The following NDUFAF2 variants were observed in gnomAD, a reference collection of about 807,000 sequenced individuals.
NDUFAF2 encodes NADH dehydrogenase [ubiquinone] 1 alpha subcomplex assembly factor 2.
NDUFAF2 carries 13 observed loss-of-function variants against 22.8 expected under a neutral mutation model. The ratio of observed to expected loss-of-function variants is 0.57; its 90% CI spans 0.37 to 0.91. The LOEUF is 0.91. Among genes scored for constraint, NDUFAF2 ranks in the 40% least tolerant of loss-of-function variants. The pLI, the probability that NDUFAF2 is intolerant of heterozygous loss-of-function variation, is 0.01. For missense variants in NDUFAF2, 162 were observed against 195.2 expected (o/e 0.83, Z 1.01); for synonymous variants, 53 against 64.2 (o/e 0.83, Z 0.84).
chr5:61,014,037 G>T (rs1486925145), intron 1 of NDUFAF2, among the ~76,000 whole-genome samples: 1 of 152,158 alleles, frequency 6.6e-6, no homozygotes, highest in Non-Finnish European at 1.5e-5. Context: ...TGATGAGAGT[G>T]TTTCTTGTAT....
intron 1 of NDUFAF2, among the ~76,000 whole-genome samples, chr5:60,962,738 CAGG>C (rs1338441981): frequency 6.6e-6 from 1 of 150,812 alleles, no homozygotes; most frequent in African/African-American, 2.4e-5. Flanking sequence ...GAGTCTGAGG[CAGG>C]AGAATTGCTT....
chr5:61,102,228 A>G (rs945082409), intron 3 of NDUFAF2, among the ~76,000 whole-genome samples: 7 of 152,192 alleles, frequency 4.6e-5, no homozygotes, highest in Non-Finnish European at 7.4e-5. Context: ...GAAAGCAGCC[A>G]TGAAAAAGGA....
intron 3 of NDUFAF2, among the ~76,000 whole-genome samples, chr5:61,128,111 A>G (rs1443082391): frequency 6.6e-6 from 1 of 152,238 alleles, no homozygotes; most frequent in African/African-American, 2.4e-5. Flanking sequence ...GACCTCTTCA[A>G]GGAGAACTAC....
At chr5:61,131,659 G>A (rs1207658998) in intron 3 of NDUFAF2, among the ~76,000 whole-genome samples, 4 of 151,960 alleles carry the variant, frequency 2.6e-5, no homozygotes, top group African/African-American at 9.7e-5. Context: ...GAAGGATAAT[G>A]TACACCTATA....
At chr5:60,980,123 TGACCAAA>T (rs1407592277) in intron 1 of NDUFAF2, among the ~76,000 whole-genome samples, 1 of 152,194 alleles carries the variant, frequency 6.6e-6, no homozygotes, top group Non-Finnish European at 1.5e-5. Context: ...ATTACCGCAA[TGACCAAA>T]GACCAAAGAT....
intron 2 of NDUFAF2, among the ~76,000 whole-genome samples, chr5:61,092,387 T>C (rs1218375415): frequency 1.3e-5 from 2 of 152,172 alleles, no homozygotes; most frequent in African/African-American, 2.4e-5. Context: ...TCATCTCTGA[T>C]TTTTGGGCAG....
chr5:61,145,298 A>G (rs1381468277), intron 3 of NDUFAF2, among the ~76,000 whole-genome samples: 1 of 152,188 alleles, frequency 6.6e-6, no homozygotes, highest in African/African-American at 2.4e-5. Flanking sequence ...ATAGTGCACT[A>G]TAAATAACCA....
At chr5:61,104,926 T>G (rs1371653927) in intron 3 of NDUFAF2, among the ~76,000 whole-genome samples, 1 of 152,138 alleles carries the variant, frequency 6.6e-6, no homozygotes, top group African/African-American at 2.4e-5. Context: ...TAAAGAGAAT[T>G]GGCTACAATT....
rs76730924 is a variant in NDUFAF2, at chr5:61,062,268, A to G, written c.128-10857A>G. 8.7e-3 allele frequency among the ~76,000 whole-genome samples: 1,331 copies of G among 152,288 alleles called. 22 individuals carry two copies. The highest frequency in any genetic ancestry group is 0.031 in the African/African-American group (1,275 of 41,568). ...AATTCAAAATAATGAACCTGAGGAA[A>G]CTCATTAAGAAAGAAGACGGTGCAA... is the stretch of plus-strand genomic sequence containing the variant. On this transcript the variant is annotated intron_variant, in intron 1 of 3. Transcript: ENST00000296597.
At position 61,025,890 on chromosome 5, in the gene NDUFAF2, G is replaced by A. The variant is rs1238479800; in HGVS notation, c.128-47235G>A. Among the ~76,000 whole-genome samples, 7 of 152,004 alleles carry A rather than the reference G, an allele frequency of 4.6e-5. No individual in the cohort carries two copies. The East Asian group carries it at 9.6e-4, about 21-fold the overall frequency. ...AAACATATATTAATGGTTTTTATATGCTCATTTTCTTATAATAATATAGAA... is the reference window on the plus strand; with the variant it reads ...AAACATATATTAATGGTTTTTATATACTCATTTTCTTATAATAATATAGAA... On this transcript the variant is annotated intron_variant, in intron 1 of 3. Coordinates refer to ENST00000296597, the MANE Select transcript of NDUFAF2 (RefSeq NM_174889.5).
intron 3 of NDUFAF2, among the ~76,000 whole-genome samples, chr5:61,110,156 A>C (rs774469629): frequency 6.6e-6 from 1 of 152,174 alleles, no homozygotes; most frequent in East Asian, 1.9e-4. Context: ...CTACTTAGTC[A>C]TGATGAATGA....
intron 1 of NDUFAF2, among the ~76,000 whole-genome samples, chr5:60,964,752 A>G (rs1421863165): frequency 6.6e-6 from 1 of 152,042 alleles, no homozygotes; most frequent in East Asian, 1.9e-4. Context: ...GCGCCCGGCC[A>G]CATAACGTTG....
At chr5:61,063,719 A>G (rs1436921595) in intron 1 of NDUFAF2, among the ~76,000 whole-genome samples, 4 of 152,206 alleles carry the variant, frequency 2.6e-5, no homozygotes, top group African/African-American at 7.2e-5. Flanking sequence ...TCTGACCACA[A>G]AACAAAAAAC....
At chr5:60,961,992 T>G (rs1422869782) in intron 1 of NDUFAF2, among the ~76,000 whole-genome samples, 1 of 151,900 alleles carries the variant, frequency 6.6e-6, no homozygotes, top group Non-Finnish European at 1.5e-5. Flanking sequence ...AAAGAATGAA[T>G]TAAGTACTAT....
At chr5:60,948,963 CT>C (rs1340875641) in intron 1 of NDUFAF2, among the ~76,000 whole-genome samples, 2 of 152,176 alleles carry the variant, frequency 1.3e-5, no homozygotes, top group Admixed American at 6.5e-5. Context: ...TATGGTCAGT[CT>C]TTTTAATTTT....
At chr5:61,137,098 G>A (rs958493809) in intron 3 of NDUFAF2, among the ~76,000 whole-genome samples, 1 of 152,174 alleles carries the variant, frequency 6.6e-6, no homozygotes, top group Non-Finnish European at 1.5e-5. Flanking sequence ...TTCTCAACAT[G>A]TTGTTGGTTC....
chr5:61,063,329 A>G (rs1357314069), intron 1 of NDUFAF2, among the ~76,000 whole-genome samples: 1 of 129,800 alleles, frequency 7.7e-6, no homozygotes, highest in Non-Finnish European at 1.7e-5. Flanking sequence ...AAGATCTTGT[A>G]TCTTCAAAAA....
intron 1 of NDUFAF2, among the ~76,000 whole-genome samples, chr5:61,016,238 G>A (rs886674280): frequency 6.6e-6 from 1 of 151,840 alleles, no homozygotes; most frequent in Non-Finnish European, 1.5e-5. Flanking sequence ...GGATTTAAAA[G>A]TATTATAGAC....
chr5:61,131,719 T>A (rs1215535679), intron 3 of NDUFAF2, among the ~76,000 whole-genome samples: 1 of 152,158 alleles, frequency 6.6e-6, no homozygotes, highest in Non-Finnish European at 1.5e-5. Context: ...AAAAGCAGTT[T>A]ATGGAATAGT....
Sources: allele counts gnomAD v4.1 joint callset (sites outside exome capture counted in the v4.1 genomes callset), GRCh38; gene constraint gnomAD v4.1.1; transcripts MANE v1.5; gene names NCBI Gene and HGNC (gene_info 2026-07-23, HGNC 2026-07-21).